Variants in AMPD2 observed in about 807,000 individuals in gnomAD.
The protein encoded by AMPD2 is AMP deaminase 2.
A neutral mutation model predicts 91.3 loss-of-function variants in AMPD2; 52 were observed. The observed-to-expected ratio is 0.57, with a 90% CI of 0.46 to 0.72. The LOEUF is 0.72. Among genes scored for constraint, AMPD2 ranks in the 30% least tolerant of loss-of-function variants. The probability of loss-of-function intolerance (pLI) is 0.00; values close to 1 mark genes in which losing one functional copy is unlikely to be tolerated. For missense variants in AMPD2, 822 were observed against 1,122.3 expected (o/e 0.73, Z 3.82); for synonymous variants, 455 against 456.4 (o/e 1.00, Z 0.04).
rs1387035281 is a variant in AMPD2 at position 109,626,170 on chromosome 1, G to A, written c.364G>A (p.Asp122Asn). ...QISQDVKLEP[D>N]ILLRAKQDFL... ...CCCTCTTGCCTCTAGGCTGGAGCCA[G>A]ACATCCTGCTTCGGGCCAAGCAAGA... is the stretch of plus-strand genomic sequence containing the variant. The change falls in exon 5 of 19, where the codon GAC (aspartate) becomes AAC (asparagine). Residue 122 changes from aspartate (D) to asparagine (N), a missense_variant. Around this residue, in one of 5 missense-constraint regions of AMPD2, gnomAD observed 240 missense variants for 270.3 expected, o/e 0.89. Coordinates refer to ENST00000528667, the MANE Select transcript of AMPD2 (RefSeq NM_001368809.2). 2 of 1,614,030 alleles carry A rather than the reference G, an allele frequency of 1.2e-6. No individual in the cohort carries two copies. Among genetic ancestry groups the A allele is most frequent in the East Asian group, 4.5e-5 (2 of 44,886 alleles).
At position 109,629,616 on chromosome 1, in the gene AMPD2, C is replaced by G. The variant is rs1249338874; in HGVS notation, c.1862+126C>G. ...GTTGCCTGGACTGGATGGGTTCTTTCTCTGCCCTTGGAGCTACATCTGTCA... is the reference window on the plus strand; with the variant it reads ...GTTGCCTGGACTGGATGGGTTCTTTGTCTGCCCTTGGAGCTACATCTGTCA... On this transcript the variant is annotated intron_variant, in intron 15 of 18. Coordinates refer to ENST00000528667, the MANE Select transcript of AMPD2 (RefSeq NM_001368809.2). 2.1e-6 allele frequency: 3 copies of G among 1,455,008 alleles called. No homozygotes were observed. In the African/African-American group the frequency reaches 4.2e-5, roughly 20 times the overall value. 90.1% of individuals were successfully genotyped at this position (1,455,008 alleles called of 1,614,324 possible).
rs1650639643 is a variant in AMPD2 at position 109,625,921 on chromosome 1, G to A, written c.353+129G>A. The stretch of plus-strand genomic sequence containing the variant: ...CACAGGGAGCATAGAGTGGGCTTTG[G>A]AGTCGGGCTGCTGGGTTCTGTTCTG... On this transcript the variant is annotated intron_variant, in intron 4 of 18. Coordinates refer to ENST00000528667, the MANE Select transcript of AMPD2 (RefSeq NM_001368809.2). This position sits in a 1 kb window ranked among gnomAD's most constrained non-coding sequence, Gnocchi z 4.0. 10 of 1,423,690 alleles carry A rather than the reference G, an allele frequency of 7.0e-6. No homozygotes were observed. Among genetic ancestry groups the A allele is most frequent in the Non-Finnish European group, 9.5e-6 (10 of 1,054,430 alleles). 88.2% of individuals were successfully genotyped at this position (1,423,690 alleles called of 1,614,324 possible).
rs764953041 is a variant in AMPD2 at position 109,625,657 on chromosome 1, C to A, written c.223-5C>A. On this transcript the variant is annotated splice_region_variant and splice_polypyrimidine_tract_variant and intron_variant, in intron 3 of 18. Coordinates refer to ENST00000528667, the MANE Select transcript of AMPD2 (RefSeq NM_001368809.2). The surrounding 1 kb of genome is among the most constrained non-coding windows in gnomAD (Gnocchi z 4.0). ...GCCATGCTGACCTTCCTTCCCTCCCCCCAGGAGCTGTTCACCCGCTCACTG... is the reference window on the plus strand; with the variant it reads ...GCCATGCTGACCTTCCTTCCCTCCCACCAGGAGCTGTTCACCCGCTCACTG... 3.1e-6 allele frequency: 5 copies of A among 1,613,668 alleles called. No individual in the cohort carries two copies. In the Admixed American group the frequency reaches 6.7e-5, roughly 22 times the overall value.
chr1:109,622,492 C>A, intron 2 of AMPD2: 1 of 359,930 alleles, frequency 2.8e-6, no homozygotes, highest in East Asian at 7.4e-5. Context: ...GGGAGTGGCT[C>A]TGGAGCAGCC....
rs766732695 is a variant in AMPD2 at position 109,624,042 on chromosome 1, C to T, written c.92-1261C>T. 7.3e-5 allele frequency: 72 copies of T among 985,496 alleles called. No homozygotes were observed. The highest frequency in any genetic ancestry group is 1.1e-4 in the East Asian group (1 of 8,818). The allele number at this position is 985,496 out of a possible 1,614,324, so 61.0% of individuals were successfully genotyped here. ...GGCTGCAGCTTCACTGGCAAACAGG[C>T]GGGCAAGGGGCACAGGGCTGCTGGC... On this transcript the variant is annotated intron_variant, in intron 2 of 18. Transcript: ENST00000528667. The surrounding 1 kb of genome is among the most constrained non-coding windows in gnomAD (Gnocchi z 5.2).
Position 109,619,919 on chromosome 1 carries a change from G to C in AMPD2, c.-622G>C. 1 of 353,860 alleles carries C rather than the reference G, an allele frequency of 2.8e-6. No homozygotes were observed. The highest frequency in any genetic ancestry group is 5.4e-6 in the Non-Finnish European group (1 of 185,168). The allele number at this position is 353,860 out of a possible 1,614,324, so 21.9% of individuals were successfully genotyped here. A position where few individuals can be genotyped will look rare whatever the true frequency, so the allele number is the denominator to read the frequency against. On this transcript the variant is annotated 5_prime_UTR_variant, in exon 1 of 19. Transcript: ENST00000528667. Reference sequence around the variant, plus strand: ...CGTGACTCCCCCACAGTCCGGCCGCGGGAGTCCGACCCTGAATGCCCAGGG... The same window carrying C: ...CGTGACTCCCCCACAGTCCGGCCGCCGGAGTCCGACCCTGAATGCCCAGGG...
In AMPD2 at chr1:109,626,313, C is replaced by G. The variant is rs762067648; in HGVS notation, c.423-6C>G. 5 of 1,613,702 alleles carry G rather than the reference C, an allele frequency of 3.1e-6. No homozygotes were observed. Among genetic ancestry groups the G allele is most frequent in the Non-Finnish European group, 3.4e-6 (4 of 1,179,724 alleles). ...TAAACCCCTCCCTTGAATGCACCCC[C>G]TGCAGGCTCTACAAGGAACAGGGTG... On this transcript the variant is annotated splice_region_variant and splice_polypyrimidine_tract_variant and intron_variant, in intron 5 of 18. Transcript: ENST00000528667.
chr1:109,625,428 G>C lies in AMPD2; in HGVS notation c.217G>C (p.Ala73Pro). The change falls in exon 3 of 19, where the codon GCC becomes CCC. Residue 73 changes from alanine to proline, a missense_variant. Transcript: ENST00000528667. The surrounding 1 kb of genome is among the most constrained non-coding windows in gnomAD (Gnocchi z 4.0). ...TATGGATGGCAAATGCAAGGAGATC[G>C]CCGAGGTATCACCTGGCACCACCCG... The part of the protein sequence containing the change: ...TSMDGKCKEI[A>P]EELFTRSLAE... 1.2e-6 allele frequency: 2 copies of C among 1,613,908 alleles called. No homozygotes were observed. Among genetic ancestry groups the C allele is most frequent in the Non-Finnish European group, 1.7e-6 (2 of 1,179,972 alleles).
At position 109,631,149 on chromosome 1, in the gene AMPD2, A is replaced by G. The variant is rs553448801; in HGVS notation, c.2475A>G (p.Gln825=). ...EAGITMSPGP[Q] Reference sequence around the variant, plus strand: ...GTATCACCATGAGCCCAGGGCCTCAATGAGCCTGGTCCATGAAGTGCCCAC... The same window carrying G: ...GTATCACCATGAGCCCAGGGCCTCAGTGAGCCTGGTCCATGAAGTGCCCAC... The change falls in exon 19 of 19, where the codon CAA becomes CAG. Residue 825 remains glutamine, a synonymous_variant. Transcript: ENST00000528667. 482 of 1,577,874 alleles carry G rather than the reference A, an allele frequency of 3.1e-4. 9 individuals are homozygous for G. The South Asian group carries it at 5.3e-3, about 17-fold the overall frequency.
chr1:109,630,942 G>C lies in AMPD2; in HGVS notation c.2269-1G>C. On this transcript the variant is annotated splice_acceptor_variant, in intron 18 of 18. Transcript: ENST00000528667. LOFTEE classifies it high-confidence loss of function. ...CTGCCCATTACCCCCGCTCCTTGCAGGTAAAGAGCCACTGGCTGGGACCCA... is the reference window on the plus strand; with the variant it reads ...CTGCCCATTACCCCCGCTCCTTGCACGTAAAGAGCCACTGGCTGGGACCCA... 6.2e-7 allele frequency: 1 copy of C among 1,614,036 alleles called. No individual in the cohort carries two copies. Among genetic ancestry groups the C allele is most frequent in the Non-Finnish European group, 8.5e-7 (1 of 1,180,000 alleles).
At chr1:109,629,977 G>A in intron 16 of AMPD2, 61 bp downstream of exon 16, 2 of 1,544,042 alleles carry the variant, frequency 1.3e-6, no homozygotes, top group South Asian at 1.2e-5. Context: ...AACCATTCGG[G>A]CCCCTTCAGC....
chr1:109,629,019 T>C, intron 13 of AMPD2, 90 bp from the exon 14 acceptor site: 2 of 1,558,472 alleles, frequency 1.3e-6, no homozygotes, highest in South Asian at 2.4e-5. Context: ...GCCCCTGCGC[T>C]CTTGGGCCAA....
At chr1:109,620,466 GTC>G in intron 1 of AMPD2, 188 bp downstream of exon 1, 1 of 1,204,092 alleles carries the variant, frequency 8.3e-7, no homozygotes, top group South Asian at 1.6e-5. Context: ...AGAGGCTAGG[GTC>G]TCTGTCCCAG....
chr1:109,620,292 C>T lies in AMPD2; in HGVS notation c.-263+14C>T, dbSNP rs766616297. 6.2e-7 allele frequency: 1 copy of T among 1,613,706 alleles called. No homozygotes were observed. Among genetic ancestry groups the T allele is most frequent in the Non-Finnish European group, 8.5e-7 (1 of 1,179,778 alleles). ...TCATGGCCTCAGGTGAGTGTGTGTA[C>T]GTGTGTTGGAGGGAGGGTCTCTGGG... On this transcript the variant is annotated intron_variant, in intron 1 of 18. Transcript: ENST00000528667.
chr1:109,622,649 G>A (rs924225053), intron 2 of AMPD2, among the ~76,000 whole-genome samples: 3 of 152,188 alleles, frequency 2.0e-5, no homozygotes, highest in Admixed American at 2.0e-4. Context: ...CCTTCAGTGA[G>A]CCTGCGGCAG....
chr1:109,630,840 T>C, intron 18 of AMPD2, 47 bp downstream of exon 18: 2 of 1,591,406 alleles, frequency 1.3e-6, no homozygotes, highest in Non-Finnish European at 1.7e-6. Flanking sequence ...ACTCCTCCCC[T>C]CCTCTGCATT....
chr1:109,629,181 C>G lies in AMPD2; in HGVS notation c.1644C>G (p.Phe548Leu). Reference sequence around the variant, plus strand: ...TGGAGAACATCTTCCTGCCACTGTTCGAGGCCACTGTGCACCCTGCCAGCC... The same window carrying G: ...TGGAGAACATCTTCCTGCCACTGTTGGAGGCCACTGTGCACCCTGCCAGCC... ...EMLENIFLPLFEATVHPASHP... is the reference protein window; with the variant it reads ...EMLENIFLPLLEATVHPASHP... Residue 548 changes from phenylalanine (F) to leucine (L), a missense_variant, in exon 14 of 19, where the codon TTC becomes TTG. Physicochemically the swap from Phe to Leu is conservative, Grantham distance 22. This residue lies in a region of AMPD2 where 430 missense variants were observed against 606.0 expected (regional missense o/e 0.71). Transcript: ENST00000528667. 6.2e-7 allele frequency: 1 copy of G among 1,614,122 alleles called. No individual in the cohort carries two copies. Among genetic ancestry groups the G allele is most frequent in the African/African-American group, 1.3e-5 (1 of 75,044 alleles).
chr1:109,627,696 C>A (rs1448901743), intron 9 of AMPD2, 78 bp from the exon 10 acceptor site: 1 of 1,585,560 alleles, frequency 6.3e-7, no homozygotes, highest in Non-Finnish European at 8.6e-7. Context: ...CACCTGCTCC[C>A]TCTGATCTGC....
Position 109,624,284 on chromosome 1 carries a change from G to T in AMPD2, c.92-1019G>T, listed in dbSNP as rs1301596702. ...CCAGGGTGGAGGGTGCTGGAGGGGA[G>T]CACTCCTTACAGCCGGCTGAGAGAG... On this transcript the variant is annotated intron_variant, in intron 2 of 18. Transcript: ENST00000528667. This position sits in a 1 kb window ranked among gnomAD's most constrained non-coding sequence, Gnocchi z 5.2. Among the ~76,000 whole-genome samples, 2 of 152,216 alleles carry T rather than the reference G, an allele frequency of 1.3e-5. No homozygotes were observed. Among genetic ancestry groups the T allele is most frequent in the African/African-American group, 4.8e-5 (2 of 41,462 alleles).
Sources: gnomAD v4.1 joint callset for allele counts (sites outside exome capture counted in the v4.1 genomes callset) on GRCh38, gnomAD v4.1.1 for gene constraint, gnomAD v4.1.1 regional missense constraint, Gnocchi (gnomAD v3.1) non-coding constraint, MANE v1.5 for transcripts, NCBI Gene and HGNC (gene_info 2026-07-23, HGNC 2026-07-21) for gene names.